The following LINGO2 variants were observed in gnomAD, a reference collection of about 807,000 sequenced individuals.
The protein encoded by LINGO2 is leucine rich repeat and Ig domain containing 2.
A neutral mutation model predicts 30.6 loss-of-function variants in LINGO2; 14 were observed. The ratio of observed to expected loss-of-function variants is 0.46; its 90% CI spans 0.30 to 0.72. LINGO2 has a LOEUF of 0.72. LINGO2 is among the 30% of genes least tolerant of loss of function. The pLI, the probability that LINGO2 is intolerant of heterozygous loss-of-function variation, is 0.07. For missense variants in LINGO2, 729 were observed against 751.7 expected (o/e 0.97, Z 0.35); for synonymous variants, 317 against 288.5 (o/e 1.10, Z -1.00).
the LINGO2 span, chr9:27,937,807 G>A: frequency 6.6e-6 from 1 of 151,824 alleles, no homozygotes; most frequent in Non-Finnish European, 1.5e-5. Flanking sequence ...AAACAATACG[G>A]CAATTAAAAA....
At chr9:28,199,343 T>TTTCTTCCTCCTCCTC (rs1564036486) in intron 4 of LINGO2, among the ~76,000 whole-genome samples, 3 of 128,866 alleles carry the variant, frequency 2.3e-5, no homozygotes, top group African/African-American at 8.0e-5. Flanking sequence ...TTCTTCTTCT[T>TTTCTTCCTCCTCCTC]CTTTTTTTTT....
intron 1 of LINGO2, among the ~76,000 whole-genome samples, chr9:28,663,785 G>A (rs1434400548): frequency 6.6e-6 from 1 of 152,100 alleles, no homozygotes; most frequent in Non-Finnish European, 1.5e-5. Flanking sequence ...GCCGTATGCT[G>A]AAGATGACTG....
At chr9:28,174,378 A>T (rs1828685021) in intron 4 of LINGO2, among the ~76,000 whole-genome samples, 1 of 152,180 alleles carries the variant, frequency 6.6e-6, no homozygotes, top group Admixed American at 6.5e-5. Context: ...ACAAAATGCC[A>T]CTTGCTCATG....
chr9:28,221,171 C>T (rs1477762871), intron 4 of LINGO2, among the ~76,000 whole-genome samples: 1 of 151,584 alleles, frequency 6.6e-6, no homozygotes, highest in African/African-American at 2.4e-5. Flanking sequence ...TGGTGGCGGG[C>T]GCCTGTAAGG....
chr9:28,655,151 G>A (rs577073713), intron 1 of LINGO2, among the ~76,000 whole-genome samples: 1 of 152,174 alleles, frequency 6.6e-6, no homozygotes, highest in East Asian at 1.9e-4. Context: ...TTTCAGAAGA[G>A]TTGATCGTTT....
chr9:28,804,231 A>T, the LINGO2 span, among the ~76,000 whole-genome samples: 1 of 152,084 alleles, frequency 6.6e-6, no homozygotes, highest in Non-Finnish European at 1.5e-5. Context: ...ACTTCTTCAG[A>T]CCTTTATATA....
the LINGO2 span, among the ~76,000 whole-genome samples, chr9:28,687,548 T>C: frequency 6.6e-6 from 1 of 152,078 alleles, no homozygotes; most frequent in East Asian, 1.9e-4. Context: ...CTATTGGTCA[T>C]AAGAGTCAGC....
intron 4 of LINGO2, among the ~76,000 whole-genome samples, chr9:28,161,238 C>T (rs1587112786): frequency 6.6e-6 from 1 of 151,990 alleles, no homozygotes. Context: ...CCAGTTGGGT[C>T]CTAGGCCTCT....
At chr9:28,264,762 T>C (rs1449665820) in intron 4 of LINGO2, among the ~76,000 whole-genome samples, 1 of 151,946 alleles carries the variant, frequency 6.6e-6, no homozygotes, top group East Asian at 1.9e-4. Context: ...CCTGTGATAG[T>C]TTCATGTGTC....
At chr9:28,121,643 C>T (rs1000156046) in intron 4 of LINGO2, among the ~76,000 whole-genome samples, 1 of 152,100 alleles carries the variant, frequency 6.6e-6, no homozygotes, top group African/African-American at 2.4e-5. Context: ...TAGGACAATA[C>T]AGTCTAAAAT....
chr9:28,121,136 AC>A (rs1193387653), intron 4 of LINGO2, among the ~76,000 whole-genome samples: 8 of 152,162 alleles, frequency 5.3e-5, no homozygotes, highest in Non-Finnish European at 8.8e-5. Flanking sequence ...GCAGAAAAAT[AC>A]CATAAAACAA....
intron 4 of LINGO2, among the ~76,000 whole-genome samples, chr9:28,064,599 A>T (rs1055422731): frequency 2.0e-5 from 3 of 152,134 alleles, no homozygotes; most frequent in Non-Finnish European, 4.4e-5. Context: ...TACCTCATCC[A>T]CTTAATTAAC....
At chr9:28,848,229 G>GTA in the LINGO2 span, among the ~76,000 whole-genome samples, 1 of 89,946 alleles carries the variant, frequency 1.1e-5, no homozygotes, top group Non-Finnish European at 2.0e-5. Flanking sequence ...TACGCATAGT[G>GTA]TATATATACA....
At chr9:28,367,640 A>C (rs2134546859) in intron 3 of LINGO2, among the ~76,000 whole-genome samples, 1 of 147,522 alleles carries the variant, frequency 6.8e-6, no homozygotes, top group African/African-American at 2.5e-5. Flanking sequence ...TTTGTAGGTG[A>C]CTCTTTTTTT....
At chr9:28,900,923 G>A in the LINGO2 span, among the ~76,000 whole-genome samples, 1 of 152,066 alleles carries the variant, frequency 6.6e-6, no homozygotes, top group Non-Finnish European at 1.5e-5. Flanking sequence ...AAAATAATAA[G>A]TGACGAAAGT....
chr9:28,387,834 A>C (rs1384530114), intron 2 of LINGO2, among the ~76,000 whole-genome samples: 1 of 152,214 alleles, frequency 6.6e-6, no homozygotes. Flanking sequence ...GAAGTCAGCG[A>C]GACCACGAAC....
At chr9:28,929,356 A>G in the LINGO2 span, among the ~76,000 whole-genome samples, 1 of 152,240 alleles carries the variant, frequency 6.6e-6, no homozygotes, top group Non-Finnish European at 1.5e-5. Context: ...ATAAAAGAGT[A>G]TTAGAAAAAG....
At chr9:29,155,632 G>T in the LINGO2 span, among the ~76,000 whole-genome samples, 3 of 147,680 alleles carry the variant, frequency 2.0e-5, no homozygotes, top group African/African-American at 7.5e-5. Flanking sequence ...TCCTCTAAAA[G>T]AAACATTTAA....
At chr9:28,894,566 T>G in the LINGO2 span, among the ~76,000 whole-genome samples, 24 of 151,938 alleles carry the variant, frequency 1.6e-4, no homozygotes, top group Non-Finnish European at 2.1e-4. Context: ...TATTTTTTAC[T>G]TTTAGATATT....
Sources: gnomAD v4.1 joint callset for allele counts (sites outside exome capture counted in the v4.1 genomes callset) on GRCh38, gnomAD v4.1.1 for gene constraint, MANE v1.5 for transcripts, NCBI Gene and HGNC (gene_info 2026-07-23, HGNC 2026-07-21) for gene names.